VPS35L: variants seen among roughly 807,000 people sequenced by gnomAD.
The protein encoded by VPS35L is VPS35 endosomal protein-sorting factor-like.
In VPS35L, 83 loss-of-function variants were observed where a neutral mutation model predicts 133.0. The observed-to-expected ratio is 0.62, with a 90% CI of 0.52 to 0.75. VPS35L has a LOEUF of 0.75. Ranked by LOEUF, VPS35L falls within the 30% of genes least tolerant of loss-of-function variation. The pLI is 0.00. For missense variants in VPS35L, 1,083 were observed against 1,206.8 expected, an observed-to-expected ratio of 0.90 and a Z score of 1.52; for synonymous variants, 423 against 449.9, an observed-to-expected ratio of 0.94 and a Z score of 0.76.
chr16:19,616,224 A>G (rs1972888975), intron 13 of VPS35L, 33 bp downstream of exon 13: 2 of 1,549,424 alleles, frequency 1.3e-6, no homozygotes, highest in Non-Finnish European at 8.9e-7. Context: ...GCTCATCGAT[A>G]TAACAGTTCT....
intron 26 of VPS35L, among the ~76,000 whole-genome samples, chr16:19,657,979 C>T (rs1025540015): frequency 6.6e-6 from 1 of 152,162 alleles, no homozygotes; most frequent in South Asian, 2.1e-4. Context: ...TGGCATCAAG[C>T]TTGTCGCCCA....
At chr16:19,558,642 C>T (rs889698734) in intron 1 of VPS35L, among the ~76,000 whole-genome samples, 2 of 152,062 alleles carry the variant, frequency 1.3e-5, no homozygotes, top group African/African-American at 4.8e-5. Flanking sequence ...CCCTTTGGAC[C>T]GGGCAAGGTG....
Position 19,699,775 on chromosome 16 carries a change from C to A in VPS35L, c.2793+127C>A. 8.0e-7 allele frequency: 1 copy of A among 1,256,846 alleles called. No homozygotes were observed. Among genetic ancestry groups the A allele is most frequent in the African/African-American group, 1.5e-5 (1 of 67,548 alleles). 77.9% of individuals were successfully genotyped at this position (1,256,846 alleles called of 1,614,324 possible). A position where few individuals can be genotyped will look rare whatever the true frequency, so the allele number is the denominator to read the frequency against. On this transcript the variant is annotated intron_variant, in intron 30 of 30. Transcript: ENST00000417362. This position sits in a 1 kb window ranked among gnomAD's most constrained non-coding sequence, Gnocchi z 4.2. ...TCCCCTTTTAGAAAAGCACTTGGTC[C>A]ATTTCTACTGGATCACTTCCTAGCA...
intron 27 of VPS35L, among the ~76,000 whole-genome samples, chr16:19,672,766 C>T (rs1974920308): frequency 6.6e-6 from 1 of 152,092 alleles, no homozygotes; most frequent in Non-Finnish European, 1.5e-5. Flanking sequence ...GTAAGTTTCT[C>T]TCTTTGGGTA....
chr16:19,570,833 TC>T (rs1971338763), intron 3 of VPS35L, among the ~76,000 whole-genome samples: 1 of 76,112 alleles, frequency 1.3e-5, no homozygotes. Flanking sequence ...ATGCTGTGTT[TC>T]ATATATATAT....
Position 19,569,436 on chromosome 16 carries a change from A to C in VPS35L, c.130A>C (p.Lys44Gln). 6.3e-7 allele frequency: 1 copy of C among 1,595,826 alleles called. No homozygotes were observed. Among genetic ancestry groups the C allele is most frequent in the Non-Finnish European group, 8.5e-7 (1 of 1,171,910 alleles). Residue 44 changes from lysine to glutamine, a missense_variant, in exon 3 of 31, where the codon AAG becomes CAG. By Grantham distance (53) the Lys-to-Gln change is moderately conservative. Transcript: ENST00000417362. Reference protein sequence around the residue: ...PLKPITVTESKTKKVNRKGST... With the variant: ...PLKPITVTESQTKKVNRKGST... ...ATTTTCCTCACAGGTCACAGAGTCA[A>C]AGACAAAGAAAGTGAACCGGAAAGG...
chr16:19,647,255 G>A (rs1313956203), intron 23 of VPS35L, among the ~76,000 whole-genome samples: 1 of 152,180 alleles, frequency 6.6e-6, no homozygotes, highest in Non-Finnish European at 1.5e-5. Context: ...AGAATATAAG[G>A]AAATCAGATA....
At chr16:19,578,960 T>C in intron 5 of VPS35L, 92 bp from the exon 6 acceptor site, 1 of 1,024,040 alleles carries the variant, frequency 9.8e-7, no homozygotes, top group Non-Finnish European at 1.5e-6. Context: ...TGTGTCTTTA[T>C]TCACGATGAA....
chr16:19,680,049 G>A (rs778121620), intron 27 of VPS35L, among the ~76,000 whole-genome samples: 10 of 152,160 alleles, frequency 6.6e-5, no homozygotes, highest in Admixed American at 1.3e-4. Flanking sequence ...GAGGCAGTGC[G>A]AATCTGGTAC....
intron 6 of VPS35L, among the ~76,000 whole-genome samples, chr16:19,581,073 T>TA (rs1971694365): frequency 6.6e-6 from 1 of 152,182 alleles, no homozygotes; most frequent in Non-Finnish European, 1.5e-5. Flanking sequence ...TAAGCTCCAT[T>TA]AGTGCTGAAA....
intron 29 of VPS35L, chr16:19,694,028 G>GAGT (rs1344354518): frequency 1.3e-5 from 2 of 151,030 alleles, no homozygotes; most frequent in East Asian, 3.9e-4. Flanking sequence ...TAGCAGAGCA[G>GAGT]AGTAACTACA....
intron 26 of VPS35L, among the ~76,000 whole-genome samples, chr16:19,662,861 C>T (rs191232513): frequency 3.3e-5 from 5 of 152,148 alleles, no homozygotes; most frequent in South Asian, 2.1e-4. Flanking sequence ...TGGTAGCAGA[C>T]GCCTATAATC....
chr16:19,587,329 T>G, intron 7 of VPS35L: 1 of 452,692 alleles, frequency 2.2e-6, no homozygotes, highest in Non-Finnish European at 4.4e-6. Context: ...GGCACTTTTG[T>G]TAAAAATCAA....
chr16:19,637,764 G>A, intron 20 of VPS35L, 108 bp downstream of exon 20: 2 of 730,748 alleles, frequency 2.7e-6, no homozygotes, highest in South Asian at 2.2e-5. Context: ...ATATTCAGCA[G>A]TTCCTTTTAT....
intron 29 of VPS35L, among the ~76,000 whole-genome samples, chr16:19,698,238 C>T (rs1009592332): frequency 2.6e-5 from 4 of 152,128 alleles, no homozygotes; most frequent in Non-Finnish European, 5.9e-5. Flanking sequence ...TGTCTGTTGG[C>T]CAGGTGTCCT....
At chr16:19,630,335 T>G (rs1318721381) in intron 18 of VPS35L, among the ~76,000 whole-genome samples, 1 of 117,342 alleles carries the variant, frequency 8.5e-6, no homozygotes, top group Non-Finnish European at 1.7e-5. Flanking sequence ...AGTTTTTTTT[T>G]TTTTTTTTTT....
intron 29 of VPS35L, chr16:19,693,985 G>C (rs559241849): frequency 6.6e-6 from 1 of 151,184 alleles, no homozygotes; most frequent in African/African-American, 2.4e-5. Context: ...AAGAAAAAAG[G>C]GGGAATAAAA....
chr16:19,653,319 G>A lies in VPS35L; in HGVS notation c.2221+1229G>A, dbSNP rs766719682. Among the ~76,000 whole-genome samples the A allele has an allele frequency of 4.6e-5, 7 of 152,190 alleles. 1 individual carries two copies. The highest frequency in any genetic ancestry group is 7.3e-5 in the Non-Finnish European group (5 of 68,040). On this transcript the variant is annotated intron_variant, in intron 26 of 30. Transcript: ENST00000417362. ...CAACAGGGTACCCACCCTGCAGGCCGTAACACAGAGGGTAAAAGAAATCTT... is the reference window on the plus strand; with the variant it reads ...CAACAGGGTACCCACCCTGCAGGCCATAACACAGAGGGTAAAAGAAATCTT...
chr16:19,669,010 T>C lies in VPS35L; in HGVS notation c.2222-150T>C, dbSNP rs1974786079. 6 of 608,228 alleles carry C rather than the reference T, an allele frequency of 9.9e-6. No individual in the cohort carries two copies. In the South Asian group the frequency reaches 1.9e-4, roughly 19 times the overall value. The allele number at this position is 608,228 out of a possible 1,614,324, so 37.7% of individuals were successfully genotyped here. A position where few individuals can be genotyped will look rare whatever the true frequency, so the allele number is the denominator to read the frequency against. ...AGCAAATATTCCTCCAGCTCCATCA[T>C]GGTTTGCAGAAACCTTCTGCTAGGA... is the stretch of plus-strand genomic sequence containing the variant. On this transcript the variant is annotated intron_variant, in intron 26 of 30. Transcript: ENST00000417362.
Sources: allele counts gnomAD v4.1 joint callset (sites outside exome capture counted in the v4.1 genomes callset), GRCh38; gene constraint gnomAD v4.1.1; non-coding constraint Gnocchi (gnomAD v3.1); transcripts MANE v1.5; gene names NCBI Gene and HGNC (gene_info 2026-07-23, HGNC 2026-07-21).